DACH2: variants seen among roughly 807,000 people sequenced by gnomAD.
DACH2 encodes the protein dachshund family transcription factor 2.
A neutral mutation model predicts 35.8 loss-of-function variants in DACH2; 17 were observed. The observed-to-expected ratio is 0.48, with a 90% CI of 0.33 to 0.71. DACH2 has a LOEUF of 0.71. DACH2 is among the 30% of genes least tolerant of loss of function. The probability of loss-of-function intolerance (pLI) is 0.02; values close to 1 mark genes in which losing one functional copy is unlikely to be tolerated. For missense variants in DACH2, 469 were observed against 472.7 expected (o/e 0.99, Z 0.07); for synonymous variants, 195 against 177.3 (o/e 1.10, Z -0.79).
chrX:86,603,641 T>G (rs2039820006), intron 3 of DACH2, among the ~76,000 whole-genome samples: 1 of 111,434 alleles, frequency 9.0e-6, no homozygotes, highest in Non-Finnish European at 1.9e-5. Context: ...CAGCTTTTGA[T>G]TTCATTGTTT....
intron 1 of DACH2, among the ~76,000 whole-genome samples, chrX:86,355,481 G>T (rs2035627740): frequency 8.9e-6 from 1 of 111,848 alleles, no homozygotes; most frequent in African/African-American, 3.3e-5. Context: ...GACCAATAGT[G>T]TATAAGCATT....
At chrX:86,160,900 C>T (rs2030731282) in intron 1 of DACH2, 1 of 630,475 alleles carries the variant, frequency 1.6e-6, no homozygotes, top group East Asian at 3.2e-5. Context: ...TTGTGGACAT[C>T]CTGGAGAGGC....
Position 86,297,043 on chromosome X carries a change from G to GTATATATATATA in DACH2, c.489-79764_489-79753dup, listed in dbSNP as rs35078642. Among the ~76,000 whole-genome samples, 585 of 89,800 alleles carry GTATATATATATA rather than the reference G, an allele frequency of 6.5e-3. 4 individuals are homozygous for GTATATATATATA. The highest frequency in any genetic ancestry group is 0.022 in the African/African-American group (497 of 22,842). 78.0% of individuals were successfully genotyped at this position (89,800 alleles called of 115,157 possible). On this transcript the variant is annotated intron_variant, in intron 1 of 11. Coordinates refer to ENST00000373125, the MANE Select transcript of DACH2 (RefSeq NM_053281.3). ...CAGTCCTATAAATAAATATAATTGT[G>GTATATATATATA]TATATATATATATATATATATATAT...
At chrX:86,305,635 A>G (rs1309983639) in intron 1 of DACH2, among the ~76,000 whole-genome samples, 1 of 111,440 alleles carries the variant, frequency 9.0e-6, no homozygotes, top group Non-Finnish European at 1.9e-5. Flanking sequence ...GAGTGAAGAG[A>G]CAACATATAG....
intron 6 of DACH2, among the ~76,000 whole-genome samples, chrX:86,726,179 G>A (rs2041467187): frequency 9.0e-6 from 1 of 111,684 alleles, no homozygotes; most frequent in Non-Finnish European, 1.9e-5. Flanking sequence ...GCTCTGGAAA[G>A]TACAGCCTGT....
intron 7 of DACH2, among the ~76,000 whole-genome samples, chrX:86,795,230 TTC>T (rs1261903419): frequency 1.4e-3 from 96 of 66,585 alleles, no homozygotes; most frequent in Admixed American, 1.0e-2. Context: ...TGGAAGCATG[TTC>T]TTTTTTTTTT....
At chrX:86,441,590 T>A (rs886633786) in intron 2 of DACH2, among the ~76,000 whole-genome samples, 3 of 109,284 alleles carry the variant, frequency 2.7e-5, no homozygotes, top group African/African-American at 1.0e-4. Flanking sequence ...TATTGTGAAT[T>A]TTGCTGTAAT....
intron 2 of DACH2, among the ~76,000 whole-genome samples, chrX:86,469,494 C>A (rs1352290302): frequency 3.6e-5 from 4 of 110,778 alleles, no homozygotes; most frequent in African/African-American, 1.3e-4. Context: ...AAGAGTCCAA[C>A]AAAGCCTAAA....
intron 3 of DACH2, among the ~76,000 whole-genome samples, chrX:86,562,662 C>G (rs62593321): frequency 0.05 from 5,528 of 111,295 alleles, 116 homozygotes; most frequent in Middle Eastern, 0.11. Context: ...ATGTATAAAA[C>G]TTTGGTATTC....
chrX:86,251,735 C>T (rs965913972), intron 1 of DACH2, among the ~76,000 whole-genome samples: 2 of 111,622 alleles, frequency 1.8e-5, no homozygotes, highest in African/African-American at 3.3e-5. Flanking sequence ...TTTATCCACT[C>T]GTTGATTGAT....
At chrX:86,698,741 GC>G (rs922971505) in intron 5 of DACH2, among the ~76,000 whole-genome samples, 1 of 108,099 alleles carries the variant, frequency 9.3e-6, no homozygotes, top group African/African-American at 3.4e-5. Flanking sequence ...TTGCCATGCT[GC>G]CTAGGCTGGT....
At chrX:86,787,300 C>G (rs1052120847) in intron 7 of DACH2, among the ~76,000 whole-genome samples, 1 of 111,289 alleles carries the variant, frequency 9.0e-6, no homozygotes, top group Admixed American at 9.5e-5. Context: ...ATTAAAAGAT[C>G]CAGTTTACTC....
At chrX:86,727,622 A>G (rs1365018687) in intron 6 of DACH2, among the ~76,000 whole-genome samples, 1 of 110,406 alleles carries the variant, frequency 9.1e-6, no homozygotes, top group East Asian at 2.9e-4. Context: ...CTGAAAACTG[A>G]GCTCTCACTC....
chrX:86,691,969 TA>T (rs1160889523), intron 4 of DACH2, among the ~76,000 whole-genome samples: 1 of 111,681 alleles, frequency 9.0e-6, no homozygotes, highest in Non-Finnish European at 1.9e-5. Flanking sequence ...CAAAGAGGCA[TA>T]AAAAATGCAA....
chrX:86,635,054 G>T (rs6617251), intron 3 of DACH2, among the ~76,000 whole-genome samples: 10,454 of 107,079 alleles, frequency 0.098, 503 homozygotes, highest in East Asian at 0.37. Flanking sequence ...ACCTGGTAGA[G>T]ACATAACGAA....
chrX:86,373,301 G>A (rs2035917062), intron 1 of DACH2, among the ~76,000 whole-genome samples: 1 of 111,182 alleles, frequency 9.0e-6, no homozygotes, highest in Admixed American at 9.6e-5. Flanking sequence ...GAGTGTATAA[G>A]CACATTGAAA....
intron 7 of DACH2, among the ~76,000 whole-genome samples, chrX:86,803,057 T>C (rs962496146): frequency 8.9e-6 from 1 of 112,024 alleles, no homozygotes; most frequent in African/African-American, 3.2e-5. Flanking sequence ...ATGCCTTTGG[T>C]GCTTTTTGTT....
chrX:86,754,466 C>T (rs2041806867), intron 7 of DACH2, among the ~76,000 whole-genome samples: 1 of 110,839 alleles, frequency 9.0e-6, no homozygotes, highest in Admixed American at 9.6e-5. Flanking sequence ...ATATATAATA[C>T]ACTGTTTTTA....
intron 2 of DACH2, among the ~76,000 whole-genome samples, chrX:86,400,226 C>A (rs1167037947): frequency 8.9e-6 from 1 of 111,780 alleles, no homozygotes. Context: ...TGGTTTTCAG[C>A]TCTATCAGGT....
Sources: gnomAD v4.1 joint callset for allele counts (sites outside exome capture counted in the v4.1 genomes callset) on GRCh38, gnomAD v4.1.1 for gene constraint, MANE v1.5 for transcripts, NCBI Gene and HGNC (gene_info 2026-07-23, HGNC 2026-07-21) for gene names.